The following INPP4B variants were observed in gnomAD, a reference collection of about 807,000 sequenced individuals.
The protein encoded by INPP4B is inositol polyphosphate-4-phosphatase type II B, also known as inositol polyphosphate 4-phosphatase type II.
A neutral mutation model predicts 122.5 loss-of-function variants in INPP4B; 55 were observed. That is an observed-to-expected ratio of 0.45 (90% confidence interval 0.36 to 0.56). The LOEUF is 0.56. Ranked by LOEUF, INPP4B falls within the 20% of genes least tolerant of loss-of-function variation. The pLI is 0.00. For missense variants in INPP4B, 1,000 were observed against 1,097.7 expected, an observed-to-expected ratio of 0.91 and a Z score of 1.26; for synonymous variants, 403 against 388.7, an observed-to-expected ratio of 1.04 and a Z score of -0.43.
rs923121021 is a variant in INPP4B at position 142,344,343 on chromosome 4, A to C, written c.373-29581T>G. ...TATGCTATGTGTATATTTTAATGTA[A>C]AGTGTTTTTAAAGGCCCTTTAGCCA... On this transcript the variant is annotated intron_variant, in intron 7 of 25. Coordinates refer to ENST00000262992, the MANE Select transcript of INPP4B (RefSeq NM_001101669.3). 3.3e-5 allele frequency among the ~76,000 whole-genome samples: 5 copies of C among 150,476 alleles called. No individual in the cohort carries two copies. The South Asian group carries it at 8.3e-4, about 25-fold the overall frequency.
At chr4:142,143,809 T>C (rs1809151655) in intron 18 of INPP4B, among the ~76,000 whole-genome samples, 1 of 152,046 alleles carries the variant, frequency 6.6e-6, no homozygotes, top group Non-Finnish European at 1.5e-5. Context: ...AATAATGGCT[T>C]CTATTTTGAT....
At chr4:142,302,364 A>G (rs1761800374) in intron 9 of INPP4B, among the ~76,000 whole-genome samples, 1 of 152,118 alleles carries the variant, frequency 6.6e-6, no homozygotes, top group African/African-American at 2.4e-5. Context: ...AAGGTATGTG[A>G]TATGTGATAT....
chr4:142,039,790 G>T (rs1746173754), intron 25 of INPP4B, among the ~76,000 whole-genome samples: 1 of 151,956 alleles, frequency 6.6e-6, no homozygotes, highest in East Asian at 1.9e-4. Flanking sequence ...AGTGTTTAAG[G>T]TTAGTTTTGT....
intron 2 of INPP4B, among the ~76,000 whole-genome samples, chr4:142,702,909 A>G (rs1393870321): frequency 1.3e-5 from 2 of 152,158 alleles, no homozygotes; most frequent in Non-Finnish European, 2.9e-5. Context: ...GTTTTTATCA[A>G]CAAGTGCTAA....
At chr4:142,396,691 C>CG (rs1799480719) in intron 7 of INPP4B, among the ~76,000 whole-genome samples, 1 of 151,822 alleles carries the variant, frequency 6.6e-6, no homozygotes, top group Admixed American at 6.6e-5. Flanking sequence ...TTGTCAAAAA[C>CG]CGGAAGCAAC....
At chr4:142,324,554 C>CAAAT (rs1771616256) in intron 7 of INPP4B, among the ~76,000 whole-genome samples, 1 of 152,070 alleles carries the variant, frequency 6.6e-6, no homozygotes, top group Non-Finnish European at 1.5e-5. Context: ...CATGAAAACC[C>CAAAT]AAATCTCTGC....
intron 18 of INPP4B, among the ~76,000 whole-genome samples, chr4:142,127,577 C>A (rs1799188645): frequency 6.6e-6 from 1 of 152,064 alleles, no homozygotes; most frequent in Admixed American, 6.6e-5. Context: ...GTGTTACATA[C>A]TTCTGATACT....
chr4:142,082,468 C>T (rs1774427885), intron 24 of INPP4B, among the ~76,000 whole-genome samples: 1 of 152,120 alleles, frequency 6.6e-6, no homozygotes, highest in Non-Finnish European at 1.5e-5. Flanking sequence ...GCACACTACC[C>T]AAGGGGGGTG....
chr4:142,756,194 T>C (rs1187695848), intron 1 of INPP4B, among the ~76,000 whole-genome samples: 1 of 152,082 alleles, frequency 6.6e-6, no homozygotes, highest in Non-Finnish European at 1.5e-5. Context: ...GATGTTGTCA[T>C]GTCTACATGT....
chr4:142,411,978 A>G lies in INPP4B; in HGVS notation c.137-6654T>C, dbSNP rs748720913. Among the ~76,000 whole-genome samples, 115 of 152,000 alleles carry G rather than the reference A, an allele frequency of 7.6e-4. 1 individual carries two copies. The highest frequency in any genetic ancestry group is 1.5e-3 in the Non-Finnish European group (104 of 67,976). ...AATAGCACCATTCTTATCTCACATC[A>G]TTTCCCTAAGGATGTGCAAAAGACT... On this transcript the variant is annotated intron_variant, in intron 5 of 25. Coordinates refer to ENST00000262992, the MANE Select transcript of INPP4B (RefSeq NM_001101669.3).
chr4:142,369,587 A>T lies in INPP4B; in HGVS notation c.372+33351T>A, dbSNP rs201252359. ...ATGAGACCCTGTCTCGAAAATTAAA[A>T]AAATAAATAAATAAATAAATAAATA... On this transcript the variant is annotated intron_variant, in intron 7 of 25. Transcript: ENST00000262992. Among the ~76,000 whole-genome samples the T allele has an allele frequency of 4.2e-3, 599 of 142,456 alleles. 2 individuals carry two copies. Among genetic ancestry groups the T allele is most frequent in the Non-Finnish European group, 5.6e-3 (370 of 65,710 alleles). 93.5% of individuals were successfully genotyped at this position (142,456 alleles called of 152,430 possible).
In INPP4B at chr4:142,371,402, G is replaced by C. The variant is rs145523027; in HGVS notation, c.372+31536C>G. 4.4e-3 allele frequency among the ~76,000 whole-genome samples: 665 copies of C among 152,162 alleles called. 5 individuals carry two copies. The highest frequency in any genetic ancestry group is 0.016 in the African/African-American group (654 of 41,532). The stretch of plus-strand genomic sequence containing the variant: ...GGCTAACACTTCAAAAGCACAGGCA[G>C]CAGAAAGAAAATTAGACAAAGGGGA... On this transcript the variant is annotated intron_variant, in intron 7 of 25. Coordinates refer to ENST00000262992, the MANE Select transcript of INPP4B (RefSeq NM_001101669.3).
At chr4:142,438,213 A>G (rs1170447206) in intron 3 of INPP4B, among the ~76,000 whole-genome samples, 1 of 152,208 alleles carries the variant, frequency 6.6e-6, no homozygotes, top group Non-Finnish European at 1.5e-5. Context: ...TTTAAAATTC[A>G]TATGGAACCA....
intron 1 of INPP4B, among the ~76,000 whole-genome samples, chr4:142,836,719 T>TACACAC (rs138777384): frequency 0.012 from 1,750 of 146,490 alleles, 38 homozygotes; most frequent in African/African-American, 0.035. Flanking sequence ...AAGTACTGTC[T>TACACAC]ACACACACAC....
At chr4:142,265,011 C>T (rs898632906) in intron 10 of INPP4B, among the ~76,000 whole-genome samples, 3 of 151,908 alleles carry the variant, frequency 2.0e-5, no homozygotes, top group Admixed American at 1.3e-4. Flanking sequence ...TCCCCCACTT[C>T]CCCTTCCTGC....
intron 2 of INPP4B, among the ~76,000 whole-genome samples, chr4:142,676,299 C>T (rs554597847): frequency 6.6e-6 from 1 of 151,994 alleles, no homozygotes; most frequent in Non-Finnish European, 1.5e-5. Flanking sequence ...ATGTGAAGGA[C>T]CTCTTCAAGG....
At chr4:142,339,852 TTGA>T (rs1187858167) in intron 7 of INPP4B, among the ~76,000 whole-genome samples, 1 of 152,162 alleles carries the variant, frequency 6.6e-6, no homozygotes, top group Non-Finnish European at 1.5e-5. Context: ...TTCTCATGCT[TTGA>T]TGTAGTATTA....
intron 25 of INPP4B, among the ~76,000 whole-genome samples, chr4:142,065,995 C>T (rs1406444731): frequency 6.6e-6 from 1 of 152,166 alleles, no homozygotes; most frequent in African/African-American, 2.4e-5. Flanking sequence ...TTTTGGGAAG[C>T]TTCATGATAT....
At chr4:142,671,021 T>G (rs1756914801) in intron 2 of INPP4B, among the ~76,000 whole-genome samples, 1 of 152,110 alleles carries the variant, frequency 6.6e-6, no homozygotes, top group South Asian at 2.1e-4. Context: ...ACCCTAATCT[T>G]AATGTAAATT....
Sources: gnomAD v4.1 joint callset for allele counts (sites outside exome capture counted in the v4.1 genomes callset) on GRCh38, gnomAD v4.1.1 for gene constraint, MANE v1.5 for transcripts, NCBI Gene and HGNC (gene_info 2026-07-23, HGNC 2026-07-21) for gene names.